The following SCUBE1 variants were observed in gnomAD, a reference collection of about 807,000 sequenced individuals.
SCUBE1 encodes signal peptide, CUB and EGF-like domain-containing protein 1.
Under a neutral mutation model 124.4 loss-of-function variants are expected in SCUBE1, and 59 were observed. The observed-to-expected ratio is 0.47, with a 90% CI of 0.38 to 0.59. The LOEUF (loss-of-function observed/expected upper bound fraction) is 0.59. Among genes scored for constraint, SCUBE1 ranks in the 20% least tolerant of loss-of-function variants. SCUBE1 has a pLI of 0.00. For synonymous variants in SCUBE1, 545 were observed against 550.9 expected, an observed-to-expected ratio of 0.99 and a Z score of 0.15; for missense variants, 1,150 against 1,371.2, an observed-to-expected ratio of 0.84 and a Z score of 2.55.
At chr22:43,253,752 A>C (rs1923549055) in intron 6 of SCUBE1, among the ~76,000 whole-genome samples, 1 of 151,338 alleles carries the variant, frequency 6.6e-6, no homozygotes, top group African/African-American at 2.5e-5. Context: ...TGATGCCAAC[A>C]CAGCGCGGCC....
Position 43,210,057 on chromosome 22 carries a change from A to G in SCUBE1, c.2567T>C (p.Val856Ala). 2 of 1,607,936 alleles carry G rather than the reference A, an allele frequency of 1.2e-6. No individual in the cohort carries two copies. The highest frequency in any genetic ancestry group is 1.7e-6 in the Non-Finnish European group (2 of 1,177,068). ...PIEDECGDVL[V>A]MRKSASPTSI... ...CCCCAACATACCACTCTTCCTCATG[A>G]CCAGAACATCGCCGCACTCATCCTC... Residue 856 changes from valine (V) to alanine (A), a missense_variant, in exon 19 of 22, where the codon GTC becomes GCC. Transcript: ENST00000360835. The surrounding 1 kb of genome is among the most constrained non-coding windows in gnomAD (Gnocchi z 4.5).
rs539023864 is a variant in SCUBE1, at chr22:43,262,388, G to A, written c.610+332C>T. 2.9e-4 allele frequency among the ~76,000 whole-genome samples: 44 copies of A among 152,292 alleles called. No individual in the cohort carries two copies. The South Asian group carries it at 7.3e-3, about 25-fold the overall frequency. On this transcript the variant is annotated intron_variant, in intron 5 of 21. Coordinates refer to ENST00000360835, the MANE Select transcript of SCUBE1 (RefSeq NM_173050.5). ...ACTACTCATTACCAGGGGCTTCCCA[G>A]GCCCATCGAGAAACCTGGTCCTGTA... is the stretch of plus-strand genomic sequence containing the variant.
chr22:43,304,916 C>T (rs568335589), intron 3 of SCUBE1, among the ~76,000 whole-genome samples: 1 of 152,280 alleles, frequency 6.6e-6, no homozygotes, highest in East Asian at 1.9e-4. Context: ...TATTTCTGCA[C>T]ATGGCCTGGG....
At chr22:43,338,977 C>T (rs1927175166) in intron 2 of SCUBE1, 127 bp downstream of exon 2, 3 of 1,096,322 alleles carry the variant, frequency 2.7e-6, no homozygotes, top group Non-Finnish European at 2.7e-6. Context: ...GAAGCCTGTG[C>T]TGTCAGCAAC....
intron 4 of SCUBE1, among the ~76,000 whole-genome samples, chr22:43,273,335 C>T (rs1357100566): frequency 1.3e-5 from 2 of 152,100 alleles, no homozygotes; most frequent in African/African-American, 4.8e-5. Context: ...CACCGGGAAC[C>T]CCTAGAAAGC....
chr22:43,247,511 TG>T (rs1280333449), intron 6 of SCUBE1, among the ~76,000 whole-genome samples: 1 of 152,216 alleles, frequency 6.6e-6, no homozygotes, highest in Non-Finnish European at 1.5e-5. Flanking sequence ...CTGAGCAACC[TG>T]AAACCACCCA....
intron 1 of SCUBE1, among the ~76,000 whole-genome samples, 183 bp downstream of exon 1, chr22:43,342,991 G>A (rs571732664): frequency 1.5e-4 from 22 of 145,054 alleles, no homozygotes; most frequent in Non-Finnish European, 2.4e-4. Flanking sequence ...AGGAGCCCCG[G>A]CCGCCCGGGC....
intron 10 of SCUBE1, among the ~76,000 whole-genome samples, chr22:43,223,625 A>G (rs139006): frequency 0.076 from 11,565 of 152,268 alleles, 590 homozygotes; most frequent in Non-Finnish European, 0.11. Context: ...CCTCTGCTAC[A>G]GCCATCAGGT....
intron 4 of SCUBE1, among the ~76,000 whole-genome samples, chr22:43,280,752 GTCACC>G (rs1204544165): frequency 4.4e-5 from 3 of 67,830 alleles, no homozygotes; most frequent in Non-Finnish European, 6.1e-5. Context: ...CCACCCTCCT[GTCACC>G]TCCCTCATTG....
Position 43,291,077 on chromosome 22 carries a change from G to C in SCUBE1, c.453C>G (p.Asp151Glu). Residue 151 changes from aspartate (D) to glutamate (E), a missense_variant, in exon 4 of 22, where the codon GAC becomes GAG. Asp to Glu is a conservative substitution (Grantham distance 45). Transcript: ENST00000360835. ...AGCGGTGGATGCAGGTATGCTGGTTGTCACTAAGGAAGAAGCCACTGTGGC... is the reference window on the plus strand; with the variant it reads ...AGCGGTGGATGCAGGTATGCTGGTTCTCACTAAGGAAGAAGCCACTGTGGC... ...CQCHSGFFLS[D>E]NQHTCIHRSN... 6.2e-7 allele frequency: 1 copy of C among 1,612,824 alleles called. No homozygotes were observed. The highest frequency in any genetic ancestry group is 8.5e-7 in the Non-Finnish European group (1 of 1,179,264).
intron 15 of SCUBE1, among the ~76,000 whole-genome samples, chr22:43,215,241 A>T (rs1342138602): frequency 6.6e-6 from 1 of 152,224 alleles, no homozygotes; most frequent in Non-Finnish European, 1.5e-5. Flanking sequence ...CCCAAGAGCC[A>T]GCTTGGTGGG....
intron 6 of SCUBE1, among the ~76,000 whole-genome samples, chr22:43,254,204 T>C (rs370794548): frequency 9.2e-5 from 14 of 152,336 alleles, no homozygotes; most frequent in African/African-American, 3.4e-4. Flanking sequence ...AGGTGAATGC[T>C]CTGATCTCTC....
intron 10 of SCUBE1, 98 bp downstream of exon 10, chr22:43,227,276 G>T: frequency 7.3e-7 from 1 of 1,376,986 alleles, no homozygotes; most frequent in East Asian, 2.5e-5. Flanking sequence ...AGGAAAGGGA[G>T]GGGCTGTCCT....
chr22:43,292,933 G>A (rs1418698334), intron 3 of SCUBE1, among the ~76,000 whole-genome samples: 6 of 152,226 alleles, frequency 3.9e-5, no homozygotes, highest in African/African-American at 1.2e-4. Context: ...AGTGGCCCTC[G>A]CTGAGAGGAG....
chr22:43,198,401 C>T lies in SCUBE1; in HGVS notation c.*5596G>A, dbSNP rs1338510810. 13 of 382,768 alleles carry T rather than the reference C, an allele frequency of 3.4e-5. No homozygotes were observed. Among genetic ancestry groups the T allele is most frequent in the South Asian group, 2.3e-4 (12 of 51,878 alleles). 23.7% of individuals were successfully genotyped at this position (382,768 alleles called of 1,614,324 possible). On this transcript the variant is annotated 3_prime_UTR_variant, in exon 22 of 22. Transcript: ENST00000360835. ...CTGGGCTTCAAGGATGCTTTGCCCA[C>T]ACCTGATGTCCTTTCCAAGAGCAAG...
Position 43,227,412 on chromosome 22 carries a change from G to T in SCUBE1, c.1169C>A (p.Pro390Gln), listed in dbSNP as rs185039637. ...CCCGTTCCAGTGGAGCCGCCTCCCC[G>T]GGGGACAGACGCACTCGTAGCTGCC... is the stretch of plus-strand genomic sequence containing the variant. Reference protein sequence around the residue: ...TKGSYECVCPPGRRLHWNGKD... With the variant: ...TKGSYECVCPQGRRLHWNGKD... The change falls in exon 10 of 22, where the codon CCG becomes CAG. Residue 390 changes from proline (P) to glutamine (Q), a missense_variant. Pro to Gln is a moderately conservative substitution (Grantham distance 76). Coordinates refer to ENST00000360835, the MANE Select transcript of SCUBE1 (RefSeq NM_173050.5). The T allele has an allele frequency of 6.8e-6, 11 of 1,612,070 alleles. No individual in the cohort carries two copies. Among genetic ancestry groups the T allele is most frequent in the South Asian group, 2.2e-5 (2 of 90,966 alleles).
intron 1 of SCUBE1, among the ~76,000 whole-genome samples, chr22:43,340,560 C>T (rs974221166): frequency 6.6e-6 from 1 of 150,698 alleles, no homozygotes; most frequent in Non-Finnish European, 1.5e-5. Flanking sequence ...GGACGTGCCT[C>T]TTGTCGGGCA....
chr22:43,206,731 G>T (rs1163124902), intron 21 of SCUBE1, among the ~76,000 whole-genome samples: 1 of 152,182 alleles, frequency 6.6e-6, no homozygotes, highest in Non-Finnish European at 1.5e-5. Flanking sequence ...GCTGAGGTTT[G>T]TGTCCCCAGA....
intron 3 of SCUBE1, among the ~76,000 whole-genome samples, chr22:43,317,376 C>T (rs1267441854): frequency 6.6e-6 from 1 of 152,190 alleles, no homozygotes; most frequent in African/African-American, 2.4e-5. Context: ...AAGACTGAGG[C>T]TCAGACACCA....
Sources: allele counts gnomAD v4.1 joint callset (sites outside exome capture counted in the v4.1 genomes callset), GRCh38; gene constraint gnomAD v4.1.1; non-coding constraint Gnocchi (gnomAD v3.1); transcripts MANE v1.5; gene names NCBI Gene and HGNC (gene_info 2026-07-23, HGNC 2026-07-21).